TRIM31: variants seen among roughly 807,000 people sequenced by gnomAD.
The protein encoded by TRIM31 is tripartite motif containing 31.
A neutral mutation model predicts 40.6 loss-of-function variants in TRIM31; 31 were observed. The ratio of observed to expected loss-of-function variants is 0.76; its 90% CI spans 0.57 to 1.03. The LOEUF (loss-of-function observed/expected upper bound fraction) is 1.03, where lower values mean the gene tolerates loss of function less well. Ranked by LOEUF, TRIM31 falls within the 50% of genes least tolerant of loss-of-function variation. The pLI is 0.00. For synonymous variants in TRIM31, 164 were observed against 193.9 expected, an observed-to-expected ratio of 0.85 and a Z score of 1.28; for missense variants, 455 against 497.5, an observed-to-expected ratio of 0.91 and a Z score of 0.81.
At chr6:30,104,026 T>G in intron 8 of TRIM31, 76 bp downstream of exon 8, 1 of 1,463,494 alleles carries the variant, frequency 6.8e-7, no homozygotes, top group African/African-American at 1.4e-5. Flanking sequence ...TTCCATTTAG[T>G]GGAATTGGGT....
At chr6:30,103,886 G>A (rs1334208781) in intron 8 of TRIM31, 97 bp from the exon 9 acceptor site, 4 of 1,546,802 alleles carry the variant, frequency 2.6e-6, no homozygotes, top group African/African-American at 1.4e-5. Context: ...ACATACAGCA[G>A]GAGGGATGGA....
intron 6 of TRIM31, among the ~76,000 whole-genome samples, chr6:30,106,840 G>A (rs894374023): frequency 1.3e-4 from 20 of 152,308 alleles, no homozygotes; most frequent in Admixed American, 7.8e-4. Context: ...GGTGGCTCAC[G>A]CCTGTAATCC....
rs75474874 is a variant in TRIM31, at chr6:30,111,822, G to A, written c.418-79C>T. The A allele has an allele frequency of 3.1e-3, 4,143 of 1,322,946 alleles. 45 individuals carry two copies. In the African/African-American group the frequency reaches 0.034, roughly 11 times the overall value. The allele number at this position is 1,322,946 out of a possible 1,614,324, so 82.0% of individuals were successfully genotyped here. ...AAAATCCTCCTGGTCTCTTAGGAGA[G>A]CTGGTGACACTCTCCAGGTGAGTCC... is the stretch of plus-strand genomic sequence containing the variant. On this transcript the variant is annotated intron_variant, in intron 2 of 8. Coordinates refer to ENST00000376734, the MANE Select transcript of TRIM31 (RefSeq NM_007028.5).
chr6:30,112,266 C>A (rs1225277080), intron 2 of TRIM31, 123 bp downstream of exon 2: 7 of 1,149,424 alleles, frequency 6.1e-6, no homozygotes, highest in Non-Finnish European at 8.6e-6. Context: ...TGCGAGCTGC[C>A]CACTCAAGCC....
chr6:30,112,388 C>G lies in TRIM31; in HGVS notation c.417+1G>C. 1 of 1,605,908 alleles carries G rather than the reference C, an allele frequency of 6.2e-7. No homozygotes were observed. Among genetic ancestry groups the G allele is most frequent in the Non-Finnish European group, 8.5e-7 (1 of 1,176,536 alleles). On this transcript the variant is annotated splice_donor_variant, in intron 2 of 8. Transcript: ENST00000376734. LOFTEE classifies it high-confidence loss of function. ...ACAGGGAAGAAACCTCAAATGCCTA[C>G]CTGATAATTCTGGGCAGCTTCTTCG...
rs370197306 is a variant in TRIM31 at position 30,109,037 on chromosome 6, G to A, written c.756C>T (p.Val252=). Residue 252 remains valine (V), a synonymous_variant, in exon 5 of 9, where the codon GTC becomes GTT. Coordinates refer to ENST00000376734, the MANE Select transcript of TRIM31 (RefSeq NM_007028.5). The part of the protein sequence containing the change: ...PPRQLLEDIK[V]VLCRSEEFQF... The stretch of plus-strand genomic sequence containing the variant: ...GTGGCCCATCATACCTGCACAAGAC[G>A]ACTTTGATATCCTAGAAGAGAAAGA... The A allele has an allele frequency of 7.4e-6, 12 of 1,612,866 alleles. No individual in the cohort carries two copies. Among genetic ancestry groups the A allele is most frequent in the East Asian group, 2.2e-5 (1 of 44,886 alleles).
chr6:30,112,336 T>C, intron 2 of TRIM31, 53 bp downstream of exon 2: 1 of 1,555,512 alleles, frequency 6.4e-7, no homozygotes. Flanking sequence ...TTCCAGGGCC[T>C]CACTGAACTC....
rs1045217076 is a variant in TRIM31, at chr6:30,108,175, A to G, written c.768-7T>C. On this transcript the variant is annotated splice_region_variant and splice_polypyrimidine_tract_variant and intron_variant, in intron 5 of 8. Coordinates refer to ENST00000376734, the MANE Select transcript of TRIM31 (RefSeq NM_007028.5). ...AAACTGAAACTCTTCACTTCTAGGA[A>G]GATGTGGTTGAGCTGGTTGGTGAGA... The G allele has an allele frequency of 6.9e-6, 11 of 1,599,714 alleles. No homozygotes were observed. The highest frequency in any genetic ancestry group is 8.6e-6 in the Non-Finnish European group (10 of 1,168,130).
At chr6:30,109,274 TGAA>T (rs1769057794) in intron 4 of TRIM31, among the ~76,000 whole-genome samples, 1 of 151,944 alleles carries the variant, frequency 6.6e-6, no homozygotes, top group South Asian at 2.1e-4. Context: ...AAGAACTGAG[TGAA>T]GAAGAGAAGA....
chr6:30,103,474 A>G lies in TRIM31; in HGVS notation c.*62T>C. On this transcript the variant is annotated 3_prime_UTR_variant, in exon 9 of 9. Transcript: ENST00000376734. ...CGTGGTCGGTCTCAGCCACTCACTCAGCGCCACTCTATGCTCCGAAGTCCG... is the reference window on the plus strand; with the variant it reads ...CGTGGTCGGTCTCAGCCACTCACTCGGCGCCACTCTATGCTCCGAAGTCCG... 1.3e-6 allele frequency: 2 copies of G among 1,598,238 alleles called. No individual in the cohort carries two copies. The highest frequency in any genetic ancestry group is 1.7e-6 in the Non-Finnish European group (2 of 1,172,594).
rs146377967 is a variant in TRIM31 at position 30,110,617 on chromosome 6, A to G, written c.575T>C (p.Leu192Pro). 5.0e-6 allele frequency: 8 copies of G among 1,614,198 alleles called. No homozygotes were observed. The African/African-American group carries it at 1.1e-4, about 22-fold the overall frequency. Residue 192 changes from leucine (L) to proline (P), a missense_variant, in exon 4 of 9, where the codon CTA (leucine) becomes CCA (proline). Physicochemically the swap from Leu to Pro is moderately conservative, Grantham distance 98 (BLOSUM62 -3). Transcript: ENST00000376734. ...LTEFELLHQV[L>P]EEEKNFLLSR... ...TAGCAGGAAATTCTTCTCCTCCTCT[A>G]GGACTTGATGCAGGAGTTCAAATTC...
rs1562042157 is a variant in TRIM31 at position 30,108,649 on chromosome 6, G to GGAGTGAGGTGGGGCA, written c.767+376_767+377insTGCCCCACCTCACTC. The GGAGTGAGGTGGGGCA allele has an allele frequency of 9.3e-5, 30 of 324,146 alleles. No homozygotes were observed. The Admixed American group carries it at 1.2e-3, about 13-fold the overall frequency. The allele number at this position is 324,146 out of a possible 1,614,324, so 20.1% of individuals were successfully genotyped here. A position where few individuals can be genotyped will look rare whatever the true frequency, so the allele number is the denominator to read the frequency against. ...AAAGTCAGGGCTAGGGATATGGGGCGGGAGTGAGGTAGGGCATAGGGAGAT... is the reference window on the plus strand; with the variant it reads ...AAAGTCAGGGCTAGGGATATGGGGCGGAGTGAGGTGGGGCAGGAGTGAGGTAGGGCATAGGGAGAT... On this transcript the variant is annotated intron_variant, in intron 5 of 8. Transcript: ENST00000376734.
rs374390798 is a variant in TRIM31 at position 30,106,558 on chromosome 6, T to C, written c.884-1316A>G. Among the ~76,000 whole-genome samples the C allele has an allele frequency of 3.4e-4, 51 of 151,802 alleles. 4 individuals carry two copies. In the East Asian group the frequency reaches 3.5e-3, roughly 10 times the overall value. On this transcript the variant is annotated intron_variant, in intron 6 of 8. Coordinates refer to ENST00000376734, the MANE Select transcript of TRIM31 (RefSeq NM_007028.5). ...CTTTAATAGGGCCAGGTGGCCATTG[T>C]GCCTTCTTCTTTGGGGTAAAAATAA... is the stretch of plus-strand genomic sequence containing the variant.
intron 4 of TRIM31, 56 bp downstream of exon 4, chr6:30,110,392 C>A: frequency 1.3e-6 from 2 of 1,564,632 alleles, no homozygotes; most frequent in Non-Finnish European, 1.8e-6. Flanking sequence ...CATGCTCTGA[C>A]CTGAGACTAG....
At chr6:30,111,530 C>G (rs2249099) in intron 3 of TRIM31, 118 bp downstream of exon 3, 10 of 1,026,726 alleles carry the variant, frequency 9.7e-6, no homozygotes, top group Non-Finnish European at 1.5e-5. Flanking sequence ...GCTGAGGCGC[C>G]GAGGAGAGGA....
Position 30,103,201 on chromosome 6 carries a change from C to G in TRIM31, c.*335G>C. 1 of 390,288 alleles carries G rather than the reference C, an allele frequency of 2.6e-6. No homozygotes were observed. The highest frequency in any genetic ancestry group is 4.5e-5 in the East Asian group (1 of 22,046). 24.2% of individuals were successfully genotyped at this position (390,288 alleles called of 1,614,324 possible). A position where few individuals can be genotyped will look rare whatever the true frequency, so the allele number is the denominator to read the frequency against. On this transcript the variant is annotated 3_prime_UTR_variant, in exon 9 of 9. Coordinates refer to ENST00000376734, the MANE Select transcript of TRIM31 (RefSeq NM_007028.5). ...CTGAACTGGTGCCTTCGGTAAACAGCTGCTTAAAGAGTGCGGGGACTGCTG... is the reference window on the plus strand; with the variant it reads ...CTGAACTGGTGCCTTCGGTAAACAGGTGCTTAAAGAGTGCGGGGACTGCTG...
At position 30,113,053 on chromosome 6, in the gene TRIM31, G is replaced by C; in HGVS notation, c.-84+11C>G. 1 of 487,586 alleles carries C rather than the reference G, an allele frequency of 2.1e-6. No homozygotes were observed. The highest frequency in any genetic ancestry group is 3.2e-5 in the East Asian group (1 of 31,060). 30.2% of individuals were successfully genotyped at this position (487,586 alleles called of 1,614,324 possible). A position where few individuals can be genotyped will look rare whatever the true frequency, so the allele number is the denominator to read the frequency against. On this transcript the variant is annotated intron_variant, in intron 1 of 8. Coordinates refer to ENST00000376734, the MANE Select transcript of TRIM31 (RefSeq NM_007028.5). ...TATTATAAAGAGAGGAAAACAGATGGGCAGTCCTACCTTGCTACCTCTTGA... is the reference window on the plus strand; with the variant it reads ...TATTATAAAGAGAGGAAAACAGATGCGCAGTCCTACCTTGCTACCTCTTGA...
In TRIM31 at chr6:30,110,631, G is replaced by A. The variant is rs758347559; in HGVS notation, c.561C>T (p.Leu187=). 2 of 1,614,202 alleles carry A rather than the reference G, an allele frequency of 1.2e-6. No homozygotes were observed. Among genetic ancestry groups the A allele is most frequent in the Non-Finnish European group, 8.5e-7 (1 of 1,180,038 alleles). The change falls in exon 4 of 9, where the codon CTC becomes CTT. Residue 187 remains leucine (L), a synonymous_variant. Coordinates refer to ENST00000376734, the MANE Select transcript of TRIM31 (RefSeq NM_007028.5). ...TCTCCTCCTCTAGGACTTGATGCAG[G>A]AGTTCAAATTCTGTGAGGATCCTTT... ...EKQRILTEFE[L]LHQVLEEEKN... is the part of the protein sequence containing the mutation.
At position 30,110,386 on chromosome 6, in the gene TRIM31, C is replaced by T. The variant is rs115886651; in HGVS notation, c.744+62G>A. The T allele has an allele frequency of 3.7e-3, 5,708 of 1,533,258 alleles. 20 individuals carry two copies. Among genetic ancestry groups the T allele is most frequent in the African/African-American group, 0.011 (787 of 73,712 alleles). 95.0% of individuals were successfully genotyped at this position (1,533,258 alleles called of 1,614,324 possible). The stretch of plus-strand genomic sequence containing the variant: ...TCAGGTATTCTGCCAGTGGTCCATG[C>T]TCTGACCTGAGACTAGGGATGGGCT... On this transcript the variant is annotated intron_variant, in intron 4 of 8. Coordinates refer to ENST00000376734, the MANE Select transcript of TRIM31 (RefSeq NM_007028.5).
Sources: gnomAD v4.1 joint callset for allele counts (sites outside exome capture counted in the v4.1 genomes callset) on GRCh38, gnomAD v4.1.1 for gene constraint, MANE v1.5 for transcripts, NCBI Gene and HGNC (gene_info 2026-07-23, HGNC 2026-07-21) for gene names.